Variants in PTGIS observed in about 807,000 individuals in gnomAD.
PTGIS encodes prostacyclin synthase.
Under a neutral mutation model 50.3 loss-of-function variants are expected in PTGIS, and 45 were observed. The observed-to-expected ratio is 0.90, with a 90% CI of 0.70 to 1.15. The LOEUF (loss-of-function observed/expected upper bound fraction) is 1.15, where lower values mean the gene tolerates loss of function less well. PTGIS is among the 50% of genes most tolerant of loss of function. PTGIS has a pLI of 0.00. For missense variants in PTGIS, 668 were observed against 661.3 expected (o/e 1.01, Z -0.11); for synonymous variants, 260 against 267.7 (o/e 0.97, Z 0.28).
At chr20:49,564,423 C>A (rs1027933851) in intron 1 of PTGIS, among the ~76,000 whole-genome samples, 4 of 151,954 alleles carry the variant, frequency 2.6e-5, no homozygotes, top group African/African-American at 9.7e-5. Context: ...GGCTAATTTT[C>A]TGTATTTTTA....
intron 1 of PTGIS, among the ~76,000 whole-genome samples, chr20:49,552,281 G>A (rs533077956): frequency 4.6e-5 from 7 of 152,248 alleles, no homozygotes; most frequent in African/African-American, 1.7e-4. Context: ...AGCATTACAT[G>A]GCTTAGTCTC....
At chr20:49,556,112 CAGTAA>C (rs533231643) in intron 1 of PTGIS, among the ~76,000 whole-genome samples, 8 of 152,190 alleles carry the variant, frequency 5.3e-5, no homozygotes, top group African/African-American at 1.9e-4. Context: ...TTTAACAATT[CAGTAA>C]AGTATACTCT....
At position 49,552,764 on chromosome 20, in the gene PTGIS, T is replaced by A. The variant is rs201034716; in HGVS notation, c.75-2575A>T. The stretch of plus-strand genomic sequence containing the variant: ...GAAAGTCACATGGATGTAATAACTT[T>A]TATTTAAAATTGTTTTATATCAGCT... On this transcript the variant is annotated intron_variant, in intron 1 of 9. Transcript: ENST00000244043. 5.9e-5 allele frequency among the ~76,000 whole-genome samples: 9 copies of A among 152,188 alleles called. No individual in the cohort carries two copies. The East Asian group carries it at 1.7e-3, about 29-fold the overall frequency.
At chr20:49,547,156 C>T (rs1338559306) in intron 3 of PTGIS, among the ~76,000 whole-genome samples, 2 of 152,282 alleles carry the variant, frequency 1.3e-5, no homozygotes, top group South Asian at 4.1e-4. Flanking sequence ...CGCCTGAACC[C>T]GGGAGGCGGA....
rs1158575009 is a variant in PTGIS, at chr20:49,550,235, G to A, written c.75-46C>T. 38 of 1,603,222 alleles carry A rather than the reference G, an allele frequency of 2.4e-5. No homozygotes were observed. The East Asian group carries it at 8.2e-4, about 35-fold the overall frequency. On this transcript the variant is annotated intron_variant, in intron 1 of 9. Transcript: ENST00000244043. ...GTCACCATTTGATAAGGCAAGGAAG[G>A]GCATAAAGAGTGTAGGTTGCAGAGT...
intron 5 of PTGIS, among the ~76,000 whole-genome samples, chr20:49,539,256 G>A (rs112219753): frequency 9.2e-5 from 14 of 152,076 alleles, no homozygotes; most frequent in Admixed American, 6.6e-4. Context: ...TAATCAGCAC[G>A]AACTACTTGT....
chr20:49,565,856 T>G (rs1456611801), intron 1 of PTGIS, among the ~76,000 whole-genome samples: 1 of 152,140 alleles, frequency 6.6e-6, no homozygotes, highest in Non-Finnish European at 1.5e-5. Context: ...GCACCTACCC[T>G]CAAGCTGCCA....
At chr20:49,560,632 GT>G in intron 1 of PTGIS, among the ~76,000 whole-genome samples, 1 of 152,354 alleles carries the variant, frequency 6.6e-6, no homozygotes, top group East Asian at 1.9e-4. Context: ...GAGATGCCAC[GT>G]GAGCAAAGAC....
At chr20:49,538,256 GAAAAAAA>G (rs58986753) in intron 5 of PTGIS, among the ~76,000 whole-genome samples, 3 of 30,288 alleles carry the variant, frequency 9.9e-5, no homozygotes, top group Admixed American at 9.2e-4. Context: ...CCCTGGTTCA[GAAAAAAA>G]AAAAAAAAAA....
chr20:49,536,122 C>T (rs1018857380), intron 5 of PTGIS, among the ~76,000 whole-genome samples: 8 of 152,154 alleles, frequency 5.3e-5, no homozygotes, highest in Non-Finnish European at 1.0e-4. Flanking sequence ...CACAGAGACA[C>T]TGTAGATGTG....
At chr20:49,549,804 C>T (rs145767695) in intron 2 of PTGIS, among the ~76,000 whole-genome samples, 5 of 152,158 alleles carry the variant, frequency 3.3e-5, no homozygotes, top group African/African-American at 1.2e-4. Flanking sequence ...CATGGATATA[C>T]AAGTATTGGA....
intron 6 of PTGIS, among the ~76,000 whole-genome samples, chr20:49,522,424 C>T (rs1046033696): frequency 4.6e-5 from 7 of 151,936 alleles, no homozygotes; most frequent in Non-Finnish European, 7.4e-5. Flanking sequence ...TGACTCTCTG[C>T]CCCCTGTCCT....
intron 6 of PTGIS, among the ~76,000 whole-genome samples, chr20:49,523,733 C>G (rs761054873): frequency 9.8e-4 from 149 of 151,944 alleles, no homozygotes; most frequent in Admixed American, 3.3e-3. Flanking sequence ...GAGCTGAGAT[C>G]GAGCCACTGC....
At chr20:49,549,287 A>G (rs1426705224) in intron 2 of PTGIS, among the ~76,000 whole-genome samples, 1 of 152,210 alleles carries the variant, frequency 6.6e-6, no homozygotes, top group Non-Finnish European at 1.5e-5. Context: ...ACCTACATGC[A>G]TCCTCCCATA....
At chr20:49,534,953 C>T (rs1487208088) in intron 5 of PTGIS, among the ~76,000 whole-genome samples, 1 of 152,118 alleles carries the variant, frequency 6.6e-6, no homozygotes, top group African/African-American at 2.4e-5. Flanking sequence ...TTGCAGTGAG[C>T]CGAGGTCTCG....
chr20:49,536,604 C>A (rs1470424856), intron 5 of PTGIS, among the ~76,000 whole-genome samples: 2 of 151,508 alleles, frequency 1.3e-5, no homozygotes, highest in African/African-American at 4.9e-5. Context: ...CCTCAGCTTC[C>A]CGGGTAGCTG....
At chr20:49,559,596 C>T (rs184935187) in intron 1 of PTGIS, among the ~76,000 whole-genome samples, 504 of 152,252 alleles carry the variant, frequency 3.3e-3, no homozygotes, top group Non-Finnish European at 5.2e-3. Flanking sequence ...TGTATCAATG[C>T]CACGAAACGT....
chr20:49,547,838 C>T lies in PTGIS; in HGVS notation c.377+3G>A. 6.2e-7 allele frequency: 1 copy of T among 1,614,086 alleles called. No individual in the cohort carries two copies. The stretch of plus-strand genomic sequence containing the variant: ...CCCACAGGTGCCATCTCCAGCCACT[C>T]ACAGTTTCATCCTGGCCTTTTCATC... On this transcript the variant is annotated splice_donor_region_variant and intron_variant, in intron 3 of 9. Coordinates refer to ENST00000244043, the MANE Select transcript of PTGIS (RefSeq NM_000961.4).
At chr20:49,510,908 G>C (rs1411441007) in intron 9 of PTGIS, 120 bp downstream of exon 9, 1 of 910,528 alleles carries the variant, frequency 1.1e-6, no homozygotes, top group East Asian at 2.5e-5. Context: ...CTCACGGGCT[G>C]TCCATGTGAA....
Sources: gnomAD v4.1 joint callset for allele counts (sites outside exome capture counted in the v4.1 genomes callset) on GRCh38, gnomAD v4.1.1 for gene constraint, MANE v1.5 for transcripts, NCBI Gene and HGNC (gene_info 2026-07-23, HGNC 2026-07-21) for gene names.